CCDC9: variants seen among roughly 807,000 people sequenced by gnomAD.
CCDC9 encodes the protein coiled-coil domain-containing protein 9.
A neutral mutation model predicts 65.6 loss-of-function variants in CCDC9; 52 were observed. That is an observed-to-expected ratio of 0.79 (90% confidence interval 0.63 to 1.00). The LOEUF (loss-of-function observed/expected upper bound fraction) is 1.00. Among genes scored for constraint, CCDC9 ranks in the 50% least tolerant of loss-of-function variants. CCDC9 has a pLI of 0.00. For synonymous variants in CCDC9, 332 were observed against 280.3 expected (o/e 1.18, Z -1.84); for missense variants, 834 against 757.2 (o/e 1.10, Z -1.19).
In CCDC9 at chr19:47,266,606, G is replaced by C; in HGVS notation, c.721-5G>C. On this transcript the variant is annotated splice_polypyrimidine_tract_variant and splice_region_variant and intron_variant, in intron 7 of 11. Transcript: ENST00000221922. ...CACCCTGACTCCCTGTGGGCTGGGGGGCAGGGCCGCCGAGCTGGCCTGGGC... is the reference window on the plus strand; with the variant it reads ...CACCCTGACTCCCTGTGGGCTGGGGCGCAGGGCCGCCGAGCTGGCCTGGGC... 6.6e-7 allele frequency: 1 copy of C among 1,521,204 alleles called. No homozygotes were observed. The highest frequency in any genetic ancestry group is 8.9e-7 in the Non-Finnish European group (1 of 1,128,170). The allele number at this position is 1,521,204 out of a possible 1,614,324, so 94.2% of individuals were successfully genotyped here.
rs774173764 is a variant in CCDC9, at chr19:47,271,457, G to A, written c.1375G>A (p.Gly459Arg). ...CCAAGCCCCAGAGGCTGCCCCCACC[G>A]GGATCCCCTGCAGTGAGCAGGCCCA... Reference protein sequence around the residue: ...DHQAPEAAPTGIPCSEQAHGV... With the variant: ...DHQAPEAAPTRIPCSEQAHGV... Residue 459 changes from glycine to arginine, a missense_variant, in exon 12 of 12, where the codon GGG (glycine) becomes AGG (arginine). By Grantham distance (125) the Gly-to-Arg change is moderately radical. Transcript: ENST00000221922. 1.5e-5 allele frequency: 24 copies of A among 1,613,350 alleles called. No homozygotes were observed. In the South Asian group the frequency reaches 1.8e-4, roughly 12 times the overall value.
chr19:47,275,255 C>T (rs1243254822), downstream of CCDC9: 8 of 1,534,898 alleles, frequency 5.2e-6, no homozygotes, highest in Middle Eastern at 2.0e-4. Flanking sequence ...TGCCGCTGAG[C>T]CGCCGCCGCC....
downstream of CCDC9, chr19:47,272,285 G>A (rs550833770): frequency 3.2e-6 from 2 of 631,262 alleles, no homozygotes; most frequent in Non-Finnish European, 4.5e-6. Context: ...ATAGAGGTGA[G>A]GTGAAAAGGG....
At chr19:47,272,296 T>A, downstream of CCDC9, 1 of 524,208 alleles carries the variant, frequency 1.9e-6, no homozygotes, top group Non-Finnish European at 2.8e-6. Flanking sequence ...GTGAAAAGGG[T>A]GAGCTCGGAT....
downstream of CCDC9, chr19:47,272,174 A>C: frequency 8.1e-7 from 1 of 1,232,572 alleles, no homozygotes; most frequent in Non-Finnish European, 1.0e-6. Flanking sequence ...GGGGGAGTGC[A>C]TGGGGCATGG....
Position 47,260,397 on chromosome 19 carries a change from AG to A in CCDC9, c.186del (p.Lys63ArgfsTer105). 6.2e-7 allele frequency: 1 copy of A among 1,607,458 alleles called. No individual in the cohort carries two copies. The highest frequency in any genetic ancestry group is 8.5e-7 in the Non-Finnish European group (1 of 1,176,994). ...GCTCCCCGAAAGGGCCGCTCAGTGG[AG>A]AAGGAGAACGTGGCAGTGGAGTCGG... Reference protein sequence around the residue: ...VTAPRKGRSVEKENVAVESEK... With the variant: ...VTAPRKGRSVXKENVAVESEK... On this transcript the variant is annotated frameshift_variant, in exon 4 of 12. Coordinates refer to ENST00000221922, the MANE Select transcript of CCDC9 (RefSeq NM_015603.3). LOFTEE classifies it high-confidence loss of function.
At chr19:47,262,062 G>T (rs537512392) in intron 5 of CCDC9, among the ~76,000 whole-genome samples, 10 of 151,888 alleles carry the variant, frequency 6.6e-5, no homozygotes, top group Non-Finnish European at 1.5e-4. Flanking sequence ...GGCATGCCAA[G>T]CTGCTGTCAC....
chr19:47,264,750 A>G, intron 6 of CCDC9, 23 bp from the exon 7 acceptor site: 1 of 1,605,994 alleles, frequency 6.2e-7, no homozygotes, highest in Non-Finnish European at 8.5e-7. Context: ...GCCCGCGCCA[A>G]CCCCCTGCTC....
chr19:47,272,090 C>G (rs2059127832), downstream of CCDC9: 1 of 1,236,460 alleles, frequency 8.1e-7, no homozygotes, highest in Non-Finnish European at 1.0e-6. Context: ...TCAGCCCCTG[C>G]CTTCCCGGAG....
rs778988115 is a variant in CCDC9, at chr19:47,260,841, T to C, written c.462+2T>C. 6.2e-7 allele frequency: 1 copy of C among 1,610,854 alleles called. No homozygotes were observed. The highest frequency in any genetic ancestry group is 1.1e-5 in the South Asian group (1 of 90,814). ...TCAATCTCTGACCGTAAATCCAAGG[T>C]AGGAGCTAGGCAGCGCCTGGAGCCC... On this transcript the variant is annotated splice_donor_variant, in intron 5 of 11. Transcript: ENST00000221922. LOFTEE classifies it high-confidence loss of function.
At chr19:47,270,065 C>T (rs2059105407) in intron 8 of CCDC9, among the ~76,000 whole-genome samples, 1 of 151,578 alleles carries the variant, frequency 6.6e-6, no homozygotes, top group South Asian at 2.1e-4. Context: ...ACCTCCCAGG[C>T]TCAAGTGATC....
chr19:47,267,976 T>C (rs1568640128), intron 8 of CCDC9, among the ~76,000 whole-genome samples: 1 of 152,000 alleles, frequency 6.6e-6, no homozygotes, highest in Non-Finnish European at 1.5e-5. Context: ...GCCTCCTGAG[T>C]AGCTGGGATT....
At chr19:47,273,553 G>A, downstream of CCDC9, 1 of 451,120 alleles carries the variant, frequency 2.2e-6, no homozygotes. Context: ...CCAGCCAGGA[G>A]AGGGTTAAAT....
intron 8 of CCDC9, among the ~76,000 whole-genome samples, chr19:47,267,662 G>A (rs1054630430): frequency 4.6e-5 from 7 of 152,158 alleles, no homozygotes; most frequent in African/African-American, 1.7e-4. Context: ...TCACTGGGGC[G>A]GGGAAATAAG....
intron 5 of CCDC9, 122 bp from the exon 6 acceptor site, chr19:47,264,481 G>A: frequency 1.1e-6 from 1 of 883,132 alleles, no homozygotes; most frequent in East Asian, 2.6e-5. Flanking sequence ...GAGAGCAAAT[G>A]GTCAGATGCC....
intron 5 of CCDC9, among the ~76,000 whole-genome samples, chr19:47,261,133 C>T (rs993956819): frequency 1.3e-5 from 2 of 152,020 alleles, no homozygotes; most frequent in African/African-American, 4.8e-5. Context: ...CCTTCCTTCC[C>T]TCCCCTCTCC....
rs565187915 is a variant in CCDC9, at chr19:47,260,512, C to T, written c.211-76C>T. On this transcript the variant is annotated intron_variant, in intron 4 of 11. Coordinates refer to ENST00000221922, the MANE Select transcript of CCDC9 (RefSeq NM_015603.3). ...CCCAGGAGCCCCCAGCTGTCCTGCA[C>T]CAGTGGGTGGCCTCCATCCTGGCCG... The T allele has an allele frequency of 2.5e-5, 40 of 1,591,438 alleles. No homozygotes were observed. In the African/African-American group the frequency reaches 3.9e-4, roughly 15 times the overall value.
chr19:47,275,073 G>C (rs2059148970), downstream of CCDC9: 1 of 1,496,632 alleles, frequency 6.7e-7, no homozygotes, highest in Non-Finnish European at 8.9e-7. Flanking sequence ...CGTGTACTAC[G>C]GTCTCATCTG....
intron 8 of CCDC9, among the ~76,000 whole-genome samples, chr19:47,270,203 A>C (rs1002829440): frequency 6.6e-6 from 1 of 151,886 alleles, no homozygotes; most frequent in African/African-American, 2.4e-5. Flanking sequence ...TCCTGGGCTC[A>C]AGCGATCTGT....
Sources: allele counts gnomAD v4.1 joint callset (sites outside exome capture counted in the v4.1 genomes callset), GRCh38; gene constraint gnomAD v4.1.1; transcripts MANE v1.5; gene names NCBI Gene and HGNC (gene_info 2026-07-23, HGNC 2026-07-21).